The following SLMAP variants were observed in gnomAD, a reference collection of about 807,000 sequenced individuals.
SLMAP encodes the protein sarcolemma associated protein.
Under a neutral mutation model 128.8 loss-of-function variants are expected in SLMAP, and 44 were observed. That is an observed-to-expected ratio of 0.34 (90% confidence interval 0.27 to 0.44). The LOEUF is 0.44. Among genes scored for constraint, SLMAP ranks in the 20% least tolerant of loss-of-function variants. SLMAP has a pLI of 1.00. For synonymous variants in SLMAP, 327 were observed against 348.8 expected, an observed-to-expected ratio of 0.94 and a Z score of 0.70; for missense variants, 787 against 985.3, an observed-to-expected ratio of 0.80 and a Z score of 2.69.
At chr3:57,912,746 A>G (rs763943909) in intron 20 of SLMAP, 45 bp downstream of exon 20, 3 of 1,432,198 alleles carry the variant, frequency 2.1e-6, no homozygotes, top group Non-Finnish European at 2.9e-6. Flanking sequence ...TTTGACAATG[A>G]TAACTTCTTA....
At chr3:57,791,084 G>T (rs569279624) in intron 2 of SLMAP, among the ~76,000 whole-genome samples, 1 of 152,230 alleles carries the variant, frequency 6.6e-6, no homozygotes, top group East Asian at 1.9e-4. Flanking sequence ...GGATGGACGC[G>T]TTGGCTTACG....
chr3:57,855,713 AAAAAAAAAAAAAC>A (rs2094738073), intron 6 of SLMAP, among the ~76,000 whole-genome samples: 1 of 146,962 alleles, frequency 6.8e-6, no homozygotes, highest in African/African-American at 2.5e-5. Flanking sequence ...CCATCTGTTA[AAAAAAAAAAAAAC>A]AAAAAAAAAA....
intron 2 of SLMAP, 63 bp downstream of exon 2, chr3:57,757,912 C>A: frequency 1.4e-6 from 2 of 1,413,052 alleles, no homozygotes; most frequent in Non-Finnish European, 2.0e-6. Flanking sequence ...TTTGCCCTCC[C>A]TGAGAGGACT....
intron 14 of SLMAP, among the ~76,000 whole-genome samples, chr3:57,876,761 T>A (rs545242203): frequency 6.6e-6 from 1 of 152,346 alleles, no homozygotes; most frequent in South Asian, 2.1e-4. Flanking sequence ...CTTGATTAAC[T>A]TGTACGCGTG....
chr3:57,901,177 C>G (rs984295453), intron 17 of SLMAP: 12 of 152,294 alleles, frequency 7.9e-5, no homozygotes, highest in African/African-American at 2.9e-4. Context: ...TACCTTGCCT[C>G]CCTCTCTAGG....
chr3:57,866,649 C>T (rs916595428), intron 13 of SLMAP, among the ~76,000 whole-genome samples: 49 of 152,158 alleles, frequency 3.2e-4, no homozygotes, highest in Non-Finnish European at 5.7e-4. Flanking sequence ...ATATTCATTG[C>T]GATCAAGCAG....
At chr3:57,911,525 A>G (rs2096697049) in intron 19 of SLMAP, among the ~76,000 whole-genome samples, 1 of 152,312 alleles carries the variant, frequency 6.6e-6, no homozygotes, top group East Asian at 1.9e-4. Flanking sequence ...ATTTTTAAAA[A>G]TCTATATAAC....
At chr3:57,759,640 G>C (rs1278548381) in intron 2 of SLMAP, among the ~76,000 whole-genome samples, 2 of 152,144 alleles carry the variant, frequency 1.3e-5, no homozygotes, top group African/African-American at 4.8e-5. Context: ...TCAAACATCA[G>C]TTTACTACTA....
At chr3:57,812,515 C>T (rs1173152000) in intron 2 of SLMAP, among the ~76,000 whole-genome samples, 2 of 152,058 alleles carry the variant, frequency 1.3e-5, no homozygotes, top group Non-Finnish European at 2.9e-5. Flanking sequence ...AAGTGTGAAT[C>T]CTCAAGTTTT....
At chr3:57,916,801 C>A in intron 21 of SLMAP, 105 bp from the exon 22 acceptor site, 1 of 840,232 alleles carries the variant, frequency 1.2e-6, no homozygotes, top group Non-Finnish European at 1.8e-6. Context: ...CTTTTTTTCT[C>A]TGAAATCCAC....
chr3:57,880,319 G>A (rs1340107979), intron 14 of SLMAP, among the ~76,000 whole-genome samples: 4 of 151,598 alleles, frequency 2.6e-5, no homozygotes, highest in Admixed American at 1.3e-4. Flanking sequence ...CTCCTGTCTC[G>A]GCCTCCTGAG....
At chr3:57,794,008 C>A (rs556459651) in intron 2 of SLMAP, among the ~76,000 whole-genome samples, 2 of 151,856 alleles carry the variant, frequency 1.3e-5, no homozygotes, top group Non-Finnish European at 2.9e-5. Context: ...TTAGGACTGC[C>A]GTGAGATGTG....
chr3:57,855,056 T>C (rs1454056163), intron 6 of SLMAP, among the ~76,000 whole-genome samples: 6 of 152,038 alleles, frequency 3.9e-5, no homozygotes, highest in Admixed American at 3.9e-4. Context: ...TAGAAACATA[T>C]CTAAACACAG....
chr3:57,790,676 A>T (rs1251908333), intron 2 of SLMAP, among the ~76,000 whole-genome samples: 1 of 152,230 alleles, frequency 6.6e-6, no homozygotes, highest in Non-Finnish European at 1.5e-5. Flanking sequence ...AAATGAAACC[A>T]TCGAGCAATT....
At chr3:57,921,656 T>C (rs112232246) in intron 22 of SLMAP, among the ~76,000 whole-genome samples, 9,030 of 152,200 alleles carry the variant, frequency 0.059, 384 homozygotes, top group Non-Finnish European at 0.089. Flanking sequence ...AAAAATAAAA[T>C]TTCTACCGAA....
chr3:57,890,493 G>A (rs1411912737), intron 15 of SLMAP: 2 of 160,736 alleles, frequency 1.2e-5, no homozygotes, highest in African/African-American at 4.8e-5. Flanking sequence ...TATTTTGGGG[G>A]TTACAGTACC....
chr3:57,794,642 C>G (rs1161492854), intron 2 of SLMAP, among the ~76,000 whole-genome samples: 2 of 152,160 alleles, frequency 1.3e-5, no homozygotes, highest in Non-Finnish European at 2.9e-5. Context: ...TTCTGTCTCT[C>G]TAGATTTGCC....
At position 57,757,471 on chromosome 3, in the gene SLMAP, G is replaced by T. The variant is rs1208093801; in HGVS notation, c.-181G>T. 2 of 624,664 alleles carry T rather than the reference G, an allele frequency of 3.2e-6. No homozygotes were observed. Among genetic ancestry groups the T allele is most frequent in the African/African-American group, 3.7e-5 (2 of 54,566 alleles). 38.7% of individuals were successfully genotyped at this position (624,664 alleles called of 1,614,324 possible). ...TTTTAAAGGAGGTGATGGGGCTTGC[G>T]CTGGCTTGTCTTCCCACCCAAGTGA... On this transcript the variant is annotated 5_prime_UTR_variant, in exon 2 of 25. Transcript: ENST00000671191.
chr3:57,766,336 G>A (rs2079718448), intron 2 of SLMAP, among the ~76,000 whole-genome samples: 1 of 152,004 alleles, frequency 6.6e-6, no homozygotes. Flanking sequence ...GTTTTCTTAA[G>A]TGATATTTCT....
Sources: gnomAD v4.1 joint callset for allele counts (sites outside exome capture counted in the v4.1 genomes callset) on GRCh38, gnomAD v4.1.1 for gene constraint, MANE v1.5 for transcripts, NCBI Gene and HGNC (gene_info 2026-07-23, HGNC 2026-07-21) for gene names.